ADAM19: variants seen among roughly 807,000 people sequenced by gnomAD.
The protein encoded by ADAM19 is ADAM metallopeptidase domain 19, also known as disintegrin and metalloproteinase domain-containing protein 19.
Under a neutral mutation model 114.7 loss-of-function variants are expected in ADAM19, and 65 were observed. That is an observed-to-expected ratio of 0.57 (90% confidence interval 0.46 to 0.70). The LOEUF is 0.70. Among genes scored for constraint, ADAM19 ranks in the 30% least tolerant of loss-of-function variants. The pLI, the probability that ADAM19 is intolerant of heterozygous loss-of-function variation, is 0.00. For synonymous variants in ADAM19, 466 were observed against 460.5 expected (o/e 1.01, Z -0.15); for missense variants, 1,063 against 1,204.7 (o/e 0.88, Z 1.74).
chr5:157,552,263 T>C (rs1040130252), intron 3 of ADAM19, among the ~76,000 whole-genome samples: 1 of 152,204 alleles, frequency 6.6e-6, no homozygotes, highest in Non-Finnish European at 1.5e-5. Context: ...GGAACCCTTG[T>C]GTACGTTGCT....
rs1017649097 is a variant in ADAM19 at position 157,550,800 on chromosome 5, T to C, written c.252-12809A>G. 6.6e-5 allele frequency among the ~76,000 whole-genome samples: 10 copies of C among 152,222 alleles called. No individual in the cohort carries two copies. The South Asian group carries it at 8.3e-4, about 13-fold the overall frequency. ...ATCTCTCAACAAGGGCAGTGAGATATAAACTTGCAGAGGAGCCAAGGGCAA... is the reference window on the plus strand; with the variant it reads ...ATCTCTCAACAAGGGCAGTGAGATACAAACTTGCAGAGGAGCCAAGGGCAA... On this transcript the variant is annotated intron_variant, in intron 3 of 22. Transcript: ENST00000257527.
chr5:157,481,675 G>A (rs1754752803), intron 22 of ADAM19, 116 bp downstream of exon 22: 1 of 1,551,598 alleles, frequency 6.4e-7, no homozygotes, highest in Non-Finnish European at 8.7e-7. Flanking sequence ...CTTTTGTTCT[G>A]GAAGTTCAGT....
chr5:157,492,214 C>T (rs1755195716), intron 16 of ADAM19, among the ~76,000 whole-genome samples: 2 of 152,146 alleles, frequency 1.3e-5, no homozygotes, highest in Admixed American at 1.3e-4. Flanking sequence ...ATTGCTTGAG[C>T]CTGGGAGACA....
intron 5 of ADAM19, among the ~76,000 whole-genome samples, chr5:157,525,514 A>G (rs578105023): frequency 1.3e-5 from 2 of 152,300 alleles, no homozygotes; most frequent in South Asian, 4.1e-4. Flanking sequence ...AGCCGGGGCT[A>G]ATCCCAGCTC....
chr5:157,494,616 G>A, intron 15 of ADAM19, 71 bp downstream of exon 15: 1 of 1,314,798 alleles, frequency 7.6e-7, no homozygotes, highest in Non-Finnish European at 1.1e-6. Flanking sequence ...TGCTGAGTTG[G>A]GCAACAGTGA....
chr5:157,501,734 T>TA (rs1209403132), intron 12 of ADAM19, among the ~76,000 whole-genome samples: 2 of 152,084 alleles, frequency 1.3e-5, no homozygotes, highest in East Asian at 1.9e-4. Context: ...ATACTGGCAT[T>TA]AAAAAAAGAA....
chr5:157,488,371 G>A lies in ADAM19; in HGVS notation c.2444C>T (p.Ala815Val). ...APLPAHLSRA[A>V]RNSPGPGSQI... is the part of the protein sequence containing the mutation. ...AGACCCGGGCCCTGGGGAGTTCCTA[G>A]CAGCCCTGCTCAGGTGAGCTGGCAG... Residue 815 changes from alanine (A) to valine (V), a missense_variant, in exon 21 of 23, where the codon GCT becomes GTT. Ala to Val is a moderately conservative substitution (Grantham distance 64). This residue lies in a region of ADAM19 where 424 missense variants were observed against 445.5 expected (regional missense o/e 0.95). Transcript: ENST00000257527. 1.2e-6 allele frequency: 2 copies of A among 1,614,176 alleles called. No individual in the cohort carries two copies. Among genetic ancestry groups the A allele is most frequent in the South Asian group, 2.2e-5 (2 of 91,086 alleles).
intron 10 of ADAM19, 99 bp downstream of exon 10, chr5:157,506,957 T>C: frequency 9.1e-7 from 1 of 1,098,744 alleles, no homozygotes; most frequent in Non-Finnish European, 1.4e-6. Context: ...CTTTTTCTGC[T>C]ACAATAATAA....
At chr5:157,488,652 G>A (rs1209636755) in intron 20 of ADAM19, among the ~76,000 whole-genome samples, 163 bp from the exon 21 acceptor site, 9 of 152,138 alleles carry the variant, frequency 5.9e-5, no homozygotes, top group African/African-American at 7.2e-5. Context: ...GTCATTAGGG[G>A]ATGTCAGAAC....
chr5:157,559,987 C>T (rs1209309446), intron 3 of ADAM19, among the ~76,000 whole-genome samples: 4 of 152,022 alleles, frequency 2.6e-5, no homozygotes, highest in East Asian at 1.9e-4. Context: ...TAGTGCAGGC[C>T]GGGCGCGGTG....
intron 12 of ADAM19, 44 bp from the exon 13 acceptor site, chr5:157,499,706 C>T (rs951309354): frequency 1.0e-5 from 14 of 1,370,870 alleles, no homozygotes; most frequent in Middle Eastern, 2.1e-4. Context: ...AGGGCCTTCA[C>T]CACCCCCAAC....
chr5:157,543,744 G>C (rs1756978429), intron 3 of ADAM19, among the ~76,000 whole-genome samples: 1 of 151,902 alleles, frequency 6.6e-6, no homozygotes, highest in Non-Finnish European at 1.5e-5. Context: ...AGGTGATACG[G>C]TGCAAGTCAC....
intron 3 of ADAM19, among the ~76,000 whole-genome samples, chr5:157,555,377 G>A (rs928834992): frequency 1.3e-5 from 2 of 152,194 alleles, no homozygotes; most frequent in African/African-American, 4.8e-5. Flanking sequence ...TCCTCAGCCA[G>A]AAGTTCCCTA....
Position 157,497,849 on chromosome 5 carries a change from C to T in ADAM19, c.1399-760G>A, listed in dbSNP as rs147355622. Among the ~76,000 whole-genome samples the T allele has an allele frequency of 2.6e-3, 396 of 152,324 alleles. 2 individuals are homozygous for T. The highest frequency in any genetic ancestry group is 8.8e-3 in the African/African-American group (367 of 41,558). On this transcript the variant is annotated intron_variant, in intron 13 of 22. Coordinates refer to ENST00000257527, the MANE Select transcript of ADAM19 (RefSeq NM_033274.5). ...GTAGTCGGTGTTACTAATACTCTTT[C>T]CATTTTACAGATAAAGAACCTAGGC...
chr5:157,492,798 C>T (rs4704871), intron 16 of ADAM19, among the ~76,000 whole-genome samples, 175 bp downstream of exon 16: 70,402 of 151,994 alleles, frequency 0.46, 16,644 homozygotes, highest in East Asian at 0.73. Context: ...TTAATCCTTC[C>T]GACAGTTCTC....
At chr5:157,544,459 T>C (rs1360560592) in intron 3 of ADAM19, among the ~76,000 whole-genome samples, 3 of 152,346 alleles carry the variant, frequency 2.0e-5, no homozygotes, top group Admixed American at 6.5e-5. Context: ...TTACATTATA[T>C]ACCAAAGGAT....
rs781195573 is a variant in ADAM19, at chr5:157,490,343, G to A, written c.2207C>T (p.Ser736Leu). The change falls in exon 19 of 23, where the codon TCA becomes TTA. Residue 736 changes from serine to leucine, a missense_variant. Physicochemically the swap from Ser to Leu is moderately radical, Grantham distance 145 (BLOSUM62 -2). Around this residue, in one of 3 missense-constraint regions of ADAM19, gnomAD observed 424 missense variants for 445.5 expected, o/e 0.95. Coordinates refer to ENST00000257527, the MANE Select transcript of ADAM19 (RefSeq NM_033274.5). ...TTGCCTCAGCTTGGAAGGGAGAGCTGAGGGCTTGAGTTGGCCTAGTTTGTT... is the reference window on the plus strand; with the variant it reads ...TTGCCTCAGCTTGGAAGGGAGAGCTAAGGGCTTGAGTTGGCCTAGTTTGTT... ...QNNKLGQLKP[S>L]ALPSKLRQQF... 1 of 1,614,118 alleles carries A rather than the reference G, an allele frequency of 6.2e-7. No homozygotes were observed. The highest frequency in any genetic ancestry group is 1.7e-5 in the Admixed American group (1 of 60,022).
chr5:157,571,658 G>A (rs529437616), intron 1 of ADAM19, among the ~76,000 whole-genome samples: 4 of 152,326 alleles, frequency 2.6e-5, no homozygotes, highest in Admixed American at 2.6e-4. Flanking sequence ...TGGAGAATGG[G>A]GGTGGGGTGA....
At chr5:157,497,521 G>C (rs950828721) in intron 13 of ADAM19, among the ~76,000 whole-genome samples, 5 of 151,736 alleles carry the variant, frequency 3.3e-5, no homozygotes, top group Non-Finnish European at 7.4e-5. Context: ...GAGGTTAGAC[G>C]ATGCATCCAA....
Sources: allele counts gnomAD v4.1 joint callset (sites outside exome capture counted in the v4.1 genomes callset), GRCh38; gene constraint gnomAD v4.1.1; regional missense constraint gnomAD v4.1.1; transcripts MANE v1.5; gene names NCBI Gene and HGNC (gene_info 2026-07-23, HGNC 2026-07-21).